The following PTBP1 variants were observed in gnomAD, a reference collection of about 807,000 sequenced individuals.
PTBP1 encodes the protein polypyrimidine tract binding protein 1.
A neutral mutation model predicts 59.8 loss-of-function variants in PTBP1; 8 were observed. That is an observed-to-expected ratio of 0.13 (90% CI 0.08 to 0.24). PTBP1 has a LOEUF of 0.24. Ranked by LOEUF, PTBP1 falls within the 10% of genes least tolerant of loss-of-function variation. PTBP1 has a pLI of 1.00. For synonymous variants in PTBP1, 490 were observed against 320.7 expected, an observed-to-expected ratio of 1.53 and a Z score of -5.64; for missense variants, 686 against 767.0, an observed-to-expected ratio of 0.89 and a Z score of 1.25.
At position 808,850 on chromosome 19, in the gene PTBP1, GCGT is replaced by G; in HGVS notation, c.1463+89_1463+91del. 1.5e-6 allele frequency: 2 copies of G among 1,317,180 alleles called. No homozygotes were observed. The highest frequency in any genetic ancestry group is 2.6e-5 in the South Asian group (2 of 78,028). 81.6% of individuals were successfully genotyped at this position (1,317,180 alleles called of 1,614,324 possible). On this transcript the variant is annotated intron_variant, in intron 13 of 14. Transcript: ENST00000356948. This position sits in a 1 kb window ranked among gnomAD's most constrained non-coding sequence, Gnocchi z 4.7. ...TACCGCGTCGGTGTGTGGACTTCTG[GCGT>G]TTCCAGAGTGCAGGTCGGGCACCTC...
Position 806,211 on chromosome 19 carries a change from G to A in PTBP1, c.971-197G>A. 3 of 527,888 alleles carry A rather than the reference G, an allele frequency of 5.7e-6. No individual in the cohort carries two copies. In the South Asian group the frequency reaches 8.1e-5, roughly 14 times the overall value. 32.7% of individuals were successfully genotyped at this position (527,888 alleles called of 1,614,324 possible). A position where few individuals can be genotyped will look rare whatever the true frequency, so the allele number is the denominator to read the frequency against. ...GGCCCGGCCCGTGCTGTGAGGAGAGGCGGGCGCTGGTGCAGGAGCCGGCGG... is the reference window on the plus strand; with the variant it reads ...GGCCCGGCCCGTGCTGTGAGGAGAGACGGGCGCTGGTGCAGGAGCCGGCGG... On this transcript the variant is annotated intron_variant, in intron 9 of 14. Transcript: ENST00000356948.
chr19:804,717 TCACCGC>T lies in PTBP1; in HGVS notation c.606+18_606+23del. 6.2e-7 allele frequency: 1 copy of T among 1,610,476 alleles called. No individual in the cohort carries two copies. The highest frequency in any genetic ancestry group is 8.5e-7 in the Non-Finnish European group (1 of 1,177,512). On this transcript the variant is annotated intron_variant, in intron 6 of 14. Transcript: ENST00000356948. ...TGCTGCACCAGGTGAGGTGGTCCCA[TCACCGC>T]CAGGGCAGGTCGGCTGCTATTGCTG...
chr19:810,885 G>A lies in PTBP1; in HGVS notation c.*59G>A. On this transcript the variant is annotated 3_prime_UTR_variant, in exon 15 of 15. Coordinates refer to ENST00000356948, the MANE Select transcript of PTBP1 (RefSeq NM_002819.5). ...ACAACTTCCATCATTCCAGAGAAAAGCCACTTTAAAAACAGCTGAAGTGAC... is the reference window on the plus strand; with the variant it reads ...ACAACTTCCATCATTCCAGAGAAAAACCACTTTAAAAACAGCTGAAGTGAC... 2.0e-6 allele frequency: 3 copies of A among 1,470,214 alleles called. No homozygotes were observed. The highest frequency in any genetic ancestry group is 1.4e-5 in the South Asian group (1 of 71,020). 91.1% of individuals were successfully genotyped at this position (1,470,214 alleles called of 1,614,324 possible).
In PTBP1 at chr19:806,571, C is replaced by A. The variant is rs905724911; in HGVS notation, c.1119+15C>A. 4 of 1,482,268 alleles carry A rather than the reference C, an allele frequency of 2.7e-6. No individual in the cohort carries two copies. The highest frequency in any genetic ancestry group is 4.9e-5 in the Admixed American group (2 of 41,138). 91.8% of individuals were successfully genotyped at this position (1,482,268 alleles called of 1,614,324 possible). A position where few individuals can be genotyped will look rare whatever the true frequency, so the allele number is the denominator to read the frequency against. On this transcript the variant is annotated intron_variant, in intron 10 of 14. Transcript: ENST00000356948. Reference sequence around the variant, plus strand: ...TCAACCCAGAGGTACGTGGGCTTTTCCTCCGCGCCGCCGTTCCTCCCGGAA... The same window carrying A: ...TCAACCCAGAGGTACGTGGGCTTTTACTCCGCGCCGCCGTTCCTCCCGGAA...
chr19:806,197 T>A, intron 9 of PTBP1: 1 of 501,786 alleles, frequency 2.0e-6, no homozygotes, highest in Non-Finnish European at 3.4e-6. Context: ...GCCCGGCCCG[T>A]GCTGTGAGGA....
Position 804,994 on chromosome 19 carries a change from AC to A in PTBP1, c.718-18del. ...CCTGGCCCTGGCCCGGCGACGTCTC[AC>A]GGTCCCTCTCCCCTCAGTCGCTGGA... On this transcript the variant is annotated intron_variant, in intron 7 of 14. Coordinates refer to ENST00000356948, the MANE Select transcript of PTBP1 (RefSeq NM_002819.5). 6.2e-7 allele frequency: 1 copy of A among 1,612,708 alleles called. No individual in the cohort carries two copies.
chr19:807,796 G>C, intron 10 of PTBP1, 73 bp from the exon 11 acceptor site: 2 of 1,196,896 alleles, frequency 1.7e-6, no homozygotes, highest in Non-Finnish European at 2.5e-6. Context: ...TCGTGTGGAC[G>C]ATTGGCAACT....
In PTBP1 at chr19:810,823, C is replaced by T. The variant is rs775003176; in HGVS notation, c.1671C>T (p.Ile557=). ...GGGTCTCCTTCTCCAAGTCCACCAT[C>T]TAGGGGCACAGGCCCCCACGGCCGG... ...HLRVSFSKST[I] Residue 557 remains isoleucine (I), a synonymous_variant, in exon 15 of 15, where the codon ATC becomes ATT. Transcript: ENST00000356948. The T allele has an allele frequency of 2.6e-6, 4 of 1,567,274 alleles. No individual in the cohort carries two copies. Among genetic ancestry groups the T allele is most frequent in the Admixed American group, 4.1e-5 (2 of 48,380 alleles).
Position 797,459 on chromosome 19 carries a change from C to G in PTBP1, c.-39C>G. 6.3e-7 allele frequency: 1 copy of G among 1,599,114 alleles called. No individual in the cohort carries two copies. The highest frequency in any genetic ancestry group is 2.3e-5 in the East Asian group (1 of 43,872). On this transcript the variant is annotated 5_prime_UTR_variant, in exon 1 of 15. Transcript: ENST00000356948. ...GTTGGGTCGGTTCCTGCTATTCCGG[C>G]GCCTCCACTCCGTCCCCCGCGGGTC...
chr19:797,662 G>A (rs1223403840), intron 1 of PTBP1, among the ~76,000 whole-genome samples, 157 bp downstream of exon 1: 1 of 149,616 alleles, frequency 6.7e-6, no homozygotes, highest in African/African-American at 2.4e-5. Flanking sequence ...CGCGGGTGCG[G>A]GGCGGGTCAG....
chr19:805,258 C>T (rs1476633645), intron 8 of PTBP1, 71 bp downstream of exon 8: 15 of 1,542,664 alleles, frequency 9.7e-6, no homozygotes, highest in South Asian at 3.5e-5. Flanking sequence ...GGAGCCCCGG[C>T]GGCACGGGCC....
chr19:804,469 C>T, intron 5 of PTBP1, 31 bp downstream of exon 5: 1 of 1,601,170 alleles, frequency 6.2e-7, no homozygotes, highest in Non-Finnish European at 8.5e-7. Flanking sequence ...CCCCAGCAGC[C>T]CGGGGACCTC....
rs1270479533 is a variant in PTBP1 at position 808,075 on chromosome 19, C to T, written c.1153+173C>T. On this transcript the variant is annotated intron_variant, in intron 11 of 14. Transcript: ENST00000356948. The surrounding 1 kb of genome is among the most constrained non-coding windows in gnomAD (Gnocchi z 4.7). Reference sequence around the variant, plus strand: ...TTATTTGGTCCCGTAGATACGTACGCATGGTTTATCGCCCTGCATGCTTTT... The same window carrying T: ...TTATTTGGTCCCGTAGATACGTACGTATGGTTTATCGCCCTGCATGCTTTT... 3 of 680,096 alleles carry T rather than the reference C, an allele frequency of 4.4e-6. No individual in the cohort carries two copies. In the African/African-American group the frequency reaches 5.4e-5, roughly 12 times the overall value. The allele number at this position is 680,096 out of a possible 1,614,324, so 42.1% of individuals were successfully genotyped here. A position where few individuals can be genotyped will look rare whatever the true frequency, so the allele number is the denominator to read the frequency against.
chr19:810,453 C>T (rs1274880109), intron 13 of PTBP1, 90 bp from the exon 14 acceptor site: 18 of 1,148,118 alleles, frequency 1.6e-5, no homozygotes, highest in Non-Finnish European at 2.3e-5. Context: ...CCCGGCTACT[C>T]TGAAAACTAG....
chr19:797,806 C>G (rs2034138551), intron 1 of PTBP1, among the ~76,000 whole-genome samples: 1 of 148,588 alleles, frequency 6.7e-6, no homozygotes, highest in South Asian at 2.1e-4. Context: ...TCGCCTTTGC[C>G]CCGCCTCGGC....
chr19:810,921 C>G lies in PTBP1; in HGVS notation c.*95C>G. ...AACAGCTGAAGTGACCTTAGCAGAC[C>G]AGAGATTTTATTTTTTTAAAGAGAA... On this transcript the variant is annotated 3_prime_UTR_variant, in exon 15 of 15. Coordinates refer to ENST00000356948, the MANE Select transcript of PTBP1 (RefSeq NM_002819.5). 2 of 1,215,336 alleles carry G rather than the reference C, an allele frequency of 1.6e-6. No homozygotes were observed. Among genetic ancestry groups the G allele is most frequent in the Non-Finnish European group, 2.2e-6 (2 of 904,948 alleles). 75.3% of individuals were successfully genotyped at this position (1,215,336 alleles called of 1,614,324 possible). A position where few individuals can be genotyped will look rare whatever the true frequency, so the allele number is the denominator to read the frequency against.
At chr19:807,740 ACTT>A (rs2034648278) in intron 10 of PTBP1, 126 bp from the exon 11 acceptor site, 2 of 698,262 alleles carry the variant, frequency 2.9e-6, no homozygotes, top group Non-Finnish European at 5.1e-6. Context: ...CATCCTGACA[ACTT>A]CATCATCCAT....
chr19:799,280 G>C, intron 1 of PTBP1, 133 bp from the exon 2 acceptor site: 2 of 836,316 alleles, frequency 2.4e-6, no homozygotes, highest in Non-Finnish European at 4.2e-6. Flanking sequence ...GCGGGGCCTC[G>C]TGCAGCCAGA....
Position 806,455 on chromosome 19 carries a change from C to T in PTBP1, c.1018C>T (p.Pro340Ser), listed in dbSNP as rs752502813. 1.3e-5 allele frequency: 20 copies of T among 1,598,962 alleles called. No individual in the cohort carries two copies. Among genetic ancestry groups the T allele is most frequent in the East Asian group, 2.3e-5 (1 of 43,216 alleles). The change falls in exon 10 of 15, where the codon CCC becomes TCC. Residue 340 changes from proline to serine, a missense_variant. Coordinates refer to ENST00000356948, the MANE Select transcript of PTBP1 (RefSeq NM_002819.5). ...VHGALAPLAI[P>S]SAAAAAAAAG... ...CGGCGCCCTGGCCCCCCTGGCCATC[C>T]CCTCGGCGGCGGCGGCAGCTGCGGC...
Sources: gnomAD v4.1 joint callset for allele counts (sites outside exome capture counted in the v4.1 genomes callset) on GRCh38, gnomAD v4.1.1 for gene constraint, Gnocchi (gnomAD v3.1) non-coding constraint, MANE v1.5 for transcripts, NCBI Gene and HGNC (gene_info 2026-07-23, HGNC 2026-07-21) for gene names.